The following CNTN6 variants were observed in gnomAD, a reference collection of about 807,000 sequenced individuals.
CNTN6 encodes the protein contactin-6.
A neutral mutation model predicts 122.8 loss-of-function variants in CNTN6; 137 were observed. The ratio of observed to expected loss-of-function variants is 1.12; its 90% CI spans 0.97 to 1.29. The LOEUF is 1.29. Ranked by LOEUF, CNTN6 falls within the 50% of genes most tolerant of loss-of-function variation. The pLI is 0.00. For missense variants in CNTN6, 1,634 were observed against 1,223.4 expected, an observed-to-expected ratio of 1.34 and a Z score of -5.01; for synonymous variants, 570 against 426.0, an observed-to-expected ratio of 1.34 and a Z score of -4.16.
intron 2 of CNTN6, among the ~76,000 whole-genome samples, chr3:1,206,109 C>A (rs901154418): frequency 2.0e-5 from 3 of 152,064 alleles, no homozygotes; most frequent in Non-Finnish European, 2.9e-5. Context: ...GGGTACTCTG[C>A]AATCTTTCCA....
chr3:1,110,367 G>T lies in CNTN6; in HGVS notation c.-83+17247G>T, dbSNP rs562423732. On this transcript the variant is annotated intron_variant, in intron 1 of 22. Coordinates refer to ENST00000446702, the MANE Select transcript of CNTN6 (RefSeq NM_001289080.2). ...AGGTATACCATCATGGGGAAGGTAG[G>T]TACTTTCTGTATTACTGTCAAAAGA... Among the ~76,000 whole-genome samples, 17 of 152,108 alleles carry T rather than the reference G, an allele frequency of 1.1e-4. No homozygotes were observed. In the East Asian group the frequency reaches 3.3e-3, roughly 29 times the overall value.
chr3:1,281,798 A>C (rs1027995518), intron 5 of CNTN6, among the ~76,000 whole-genome samples: 1 of 152,222 alleles, frequency 6.6e-6, no homozygotes, highest in Admixed American at 6.5e-5. Context: ...TTCAACATAA[A>C]CAGTCAGCAA....
rs180941854 is a variant in CNTN6, at chr3:1,260,599, G to C, written c.359-17814G>C. 1.8e-4 allele frequency among the ~76,000 whole-genome samples: 28 copies of C among 152,006 alleles called. No homozygotes were observed. The East Asian group carries it at 5.0e-3, about 27-fold the overall frequency. On this transcript the variant is annotated intron_variant, in intron 4 of 22. Coordinates refer to ENST00000446702, the MANE Select transcript of CNTN6 (RefSeq NM_001289080.2). ...TTATAACACATTATGATATGGTTTG[G>C]CTGTGTCCCTGCCCAAATCTCATCT...
At chr3:1,283,933 A>C (rs1575550863) in intron 5 of CNTN6, among the ~76,000 whole-genome samples, 1 of 152,224 alleles carries the variant, frequency 6.6e-6, no homozygotes, top group South Asian at 2.1e-4. Context: ...TGGGAGGCGG[A>C]GGTTGCAGTG....
At chr3:1,284,535 C>T (rs1694021438) in intron 5 of CNTN6, among the ~76,000 whole-genome samples, 1 of 152,082 alleles carries the variant, frequency 6.6e-6, no homozygotes, top group Non-Finnish European at 1.5e-5. Context: ...ACTGGGTATT[C>T]ACTCAACAAA....
intron 4 of CNTN6, among the ~76,000 whole-genome samples, chr3:1,264,570 A>C (rs533959083): frequency 6.6e-6 from 1 of 151,564 alleles, no homozygotes; most frequent in Non-Finnish European, 1.5e-5. Flanking sequence ...AATTATTTTT[A>C]AATTTTATTT....
intron 2 of CNTN6, among the ~76,000 whole-genome samples, chr3:1,163,977 C>A (rs1361621498): frequency 6.6e-6 from 1 of 152,206 alleles, no homozygotes; most frequent in African/African-American, 2.4e-5. Flanking sequence ...ACTAGACTGA[C>A]AACCTTGGCT....
intron 7 of CNTN6, among the ~76,000 whole-genome samples, chr3:1,309,260 G>T (rs1698856320): frequency 6.6e-6 from 1 of 152,050 alleles, no homozygotes; most frequent in African/African-American, 2.4e-5. Flanking sequence ...AGCTATTATA[G>T]CTTTATGTTT....
chr3:1,103,480 T>C (rs1420713299), intron 1 of CNTN6, among the ~76,000 whole-genome samples: 1 of 152,218 alleles, frequency 6.6e-6, no homozygotes, highest in Non-Finnish European at 1.5e-5. Flanking sequence ...CTGCTTTCTT[T>C]AGGGCACTTA....
chr3:1,284,526 C>G (rs964933014), intron 5 of CNTN6, among the ~76,000 whole-genome samples: 4 of 152,096 alleles, frequency 2.6e-5, no homozygotes, highest in African/African-American at 9.7e-5. Context: ...AACTTGTACA[C>G]TGGGTATTCA....
intron 7 of CNTN6, among the ~76,000 whole-genome samples, chr3:1,300,501 A>AG (rs879336464): frequency 0.031 from 4,499 of 146,788 alleles, 359 homozygotes; most frequent in African/African-American, 0.11. Context: ...GGAAAAAGAA[A>AG]AGAAAGAGAA....
intron 12 of CNTN6, among the ~76,000 whole-genome samples, chr3:1,355,765 A>C (rs1706445952): frequency 6.6e-6 from 1 of 151,772 alleles, no homozygotes; most frequent in Admixed American, 6.6e-5. Context: ...TCTCCCTTTG[A>C]ATTTACTTAT....
chr3:1,362,397 A>T (rs1707597173), intron 12 of CNTN6, among the ~76,000 whole-genome samples: 1 of 152,132 alleles, frequency 6.6e-6, no homozygotes, highest in Non-Finnish European at 1.5e-5. Context: ...GCTTTAAAAT[A>T]ATTTTGATTA....
At chr3:1,370,168 G>T (rs1276583869) in intron 12 of CNTN6, among the ~76,000 whole-genome samples, 1 of 151,756 alleles carries the variant, frequency 6.6e-6, no homozygotes, top group African/African-American at 2.4e-5. Flanking sequence ...ATACATGGCA[G>T]TTGGCCAAGT....
intron 8 of CNTN6, among the ~76,000 whole-genome samples, chr3:1,322,440 T>C (rs1028571612): frequency 1.3e-5 from 2 of 151,706 alleles, no homozygotes; most frequent in African/African-American, 2.4e-5. Flanking sequence ...TTCTCTTACT[T>C]AACATTAAGT....
rs115731745 is a variant in CNTN6 at position 1,309,482 on chromosome 3, C to T, written c.761+11491C>T. On this transcript the variant is annotated intron_variant, in intron 7 of 22. Coordinates refer to ENST00000446702, the MANE Select transcript of CNTN6 (RefSeq NM_001289080.2). ...CCGGGATCTCTTTTGTTCCATTGCT[C>T]TGTCTATTCTTTTGCCATTACCACA... Among the ~76,000 whole-genome samples, 196 of 152,264 alleles carry T rather than the reference C, an allele frequency of 1.3e-3. 2 individuals carry two copies. The highest frequency in any genetic ancestry group is 4.5e-3 in the African/African-American group (185 of 41,562).
chr3:1,105,197 C>T lies in CNTN6; in HGVS notation c.-83+12077C>T, dbSNP rs140455049. On this transcript the variant is annotated intron_variant, in intron 1 of 22. Coordinates refer to ENST00000446702, the MANE Select transcript of CNTN6 (RefSeq NM_001289080.2). ...TACTAAATATTATTAATTGTAAATA[C>T]TCTCCGATTGGATTACAAAACAAAT... Among the ~76,000 whole-genome samples, 645 of 152,172 alleles carry T rather than the reference C, an allele frequency of 4.2e-3. 4 individuals are homozygous for T. Among genetic ancestry groups the T allele is most frequent in the African/African-American group, 0.015 (624 of 41,530 alleles).
At chr3:1,190,077 A>G (rs2093679991) in intron 2 of CNTN6, among the ~76,000 whole-genome samples, 1 of 152,166 alleles carries the variant, frequency 6.6e-6, no homozygotes, top group South Asian at 2.1e-4. Context: ...AACGCAGTGA[A>G]TCTGGTAAGG....
At chr3:1,289,925 C>T (rs920868198) in intron 5 of CNTN6, among the ~76,000 whole-genome samples, 7 of 152,160 alleles carry the variant, frequency 4.6e-5, no homozygotes, top group African/African-American at 7.2e-5. Context: ...CCGCCCGCCT[C>T]GGCCTCCCAA....
Sources: gnomAD v4.1 joint callset for allele counts (sites outside exome capture counted in the v4.1 genomes callset) on GRCh38, gnomAD v4.1.1 for gene constraint, MANE v1.5 for transcripts, NCBI Gene and HGNC (gene_info 2026-07-23, HGNC 2026-07-21) for gene names.